RAP1A: variants seen among roughly 807,000 people sequenced by gnomAD.
RAP1A encodes RAP1A, member of RAS oncogene family.
Under a neutral mutation model 26.4 loss-of-function variants are expected in RAP1A, and 6 were observed. That is an observed-to-expected ratio of 0.23 (90% CI 0.12 to 0.45). The LOEUF is 0.45. Among genes scored for constraint, RAP1A ranks in the 20% least tolerant of loss-of-function variants. RAP1A has a pLI of 0.99. For synonymous variants in RAP1A, 73 were observed against 79.4 expected (o/e 0.92, Z 0.43); for missense variants, 121 against 217.2 (o/e 0.56, Z 2.78).
chr1:111,542,227 G>C (rs1656858897), exon 1 of RAP1A: 1 of 603,774 alleles, frequency 1.7e-6, no homozygotes, highest in African/African-American at 1.9e-5. Flanking sequence ...CATCCTTCGC[G>C]TACTGACGGA....
chr1:111,695,347 C>A lies in RAP1A; in HGVS notation c.64C>A (p.Gln22Lys). 2 of 1,565,126 alleles carry A rather than the reference C, an allele frequency of 1.3e-6. No homozygotes were observed. The highest frequency in any genetic ancestry group is 2.1e-5 in the Admixed American group (1 of 48,398). ...CTCTTTTTTTTTCCCCCAGACAGTT[C>A]AGTTTGTTCAGGGAATTTTTGTTGA... ...GGVGKSALTV[Q>K]FVQGIFVEKY... Residue 22 changes from glutamine (Q) to lysine (K), a missense_variant, in exon 3 of 8, where the codon CAG becomes AAG. Physicochemically the swap from Gln to Lys is moderately conservative, Grantham distance 53. Transcript: ENST00000369709.
chr1:111,548,653 T>C (rs1657130419), intron 1 of RAP1A, among the ~76,000 whole-genome samples: 1 of 152,194 alleles, frequency 6.6e-6, no homozygotes, highest in African/African-American at 2.4e-5. Flanking sequence ...ACAAACAAGA[T>C]TAATTTTTTC....
At chr1:111,555,430 A>C (rs1657450268) in intron 1 of RAP1A, among the ~76,000 whole-genome samples, 1 of 151,566 alleles carries the variant, frequency 6.6e-6, no homozygotes. Context: ...ATAGTTCCAG[A>C]AAAAAAATTT....
chr1:111,547,737 C>T (rs1657088297), intron 1 of RAP1A, among the ~76,000 whole-genome samples: 1 of 152,132 alleles, frequency 6.6e-6, no homozygotes, highest in Non-Finnish European at 1.5e-5. Flanking sequence ...CTAATGATTT[C>T]CCTTCAGAAC....
chr1:111,666,643 TAAAA>T (rs35204143), intron 1 of RAP1A, among the ~76,000 whole-genome samples: 4 of 148,094 alleles, frequency 2.7e-5, no homozygotes, highest in African/African-American at 9.9e-5. Flanking sequence ...CACAGAGATT[TAAAA>T]AAAAAAAGCA....
At chr1:111,568,609 C>T (rs757590334) in intron 1 of RAP1A, among the ~76,000 whole-genome samples, 14 of 152,304 alleles carry the variant, frequency 9.2e-5, no homozygotes, top group Admixed American at 3.3e-4. Flanking sequence ...ATTCTTTGCT[C>T]ATTCATTAGG....
intron 1 of RAP1A, among the ~76,000 whole-genome samples, chr1:111,690,202 T>C (rs1661626493): frequency 6.6e-6 from 1 of 152,178 alleles, no homozygotes; most frequent in Non-Finnish European, 1.5e-5. Flanking sequence ...CTCTAGAGCT[T>C]ATTTAGCTTT....
intron 4 of RAP1A, among the ~76,000 whole-genome samples, chr1:111,700,816 G>C (rs1041497151): frequency 6.6e-6 from 1 of 152,060 alleles, no homozygotes; most frequent in African/African-American, 2.4e-5. Flanking sequence ...GTCCTTGACT[G>C]TATTTTTTGT....
chr1:111,587,875 A>T (rs1258655108), intron 1 of RAP1A, among the ~76,000 whole-genome samples: 1 of 152,116 alleles, frequency 6.6e-6, no homozygotes, highest in Non-Finnish European at 1.5e-5. Context: ...CCTTTTGGTT[A>T]TTGTGATACT....
intron 1 of RAP1A, among the ~76,000 whole-genome samples, chr1:111,579,798 A>T (rs1430527980): frequency 1.1e-5 from 1 of 88,100 alleles, no homozygotes; most frequent in Non-Finnish European, 3.1e-5. Flanking sequence ...CCATTTATTT[A>T]TTTATTTATT....
chr1:111,588,568 T>G (rs912516888), intron 1 of RAP1A, among the ~76,000 whole-genome samples: 1 of 152,196 alleles, frequency 6.6e-6, no homozygotes, highest in Admixed American at 6.5e-5. Context: ...GCTTCCTGTT[T>G]TCTGATCACA....
At position 111,564,038 on chromosome 1, in the gene RAP1A, C is replaced by T; in HGVS notation, c.-28+21529C>T. On this transcript the variant is annotated intron_variant, in intron 1 of 7. Coordinates refer to the RAP1A transcript ENST00000356415. ...ATCCAACCCTTCTGCCATTAGAGAA[C>T]CAGGAATTCCCTGTTTTGGGGGGTA... 3.2e-6 allele frequency: 3 copies of T among 948,214 alleles called. No individual in the cohort carries two copies. In the Admixed American group the frequency reaches 5.3e-5, roughly 17 times the overall value. The allele number at this position is 948,214 out of a possible 1,614,324, so 58.7% of individuals were successfully genotyped here.
chr1:111,611,124 A>C (rs1390248793), intron 1 of RAP1A, among the ~76,000 whole-genome samples: 1 of 152,224 alleles, frequency 6.6e-6, no homozygotes, highest in Non-Finnish European at 1.5e-5. Context: ...ATCCTATTAC[A>C]ACAAATCCAC....
rs1438441195 is a variant in RAP1A at position 111,714,785 on chromosome 1, G to A, written c.*2384G>A. ...CTTGGTTCCAAAGGGAAGGGTACCT[G>A]AAAATAAATGTATTTTTATAGCTGA... On this transcript the variant is annotated 3_prime_UTR_variant, in exon 8 of 8. Coordinates refer to ENST00000369709, the MANE Select transcript of RAP1A (RefSeq NM_002884.4). The A allele has an allele frequency of 6.6e-6, 1 of 152,186 alleles. No individual in the cohort carries two copies. Among genetic ancestry groups the A allele is most frequent in the Admixed American group, 6.5e-5 (1 of 15,276 alleles). 9.4% of individuals were successfully genotyped at this position (152,186 alleles called of 1,614,324 possible). A position where few individuals can be genotyped will look rare whatever the true frequency, so the allele number is the denominator to read the frequency against.
intron 3 of RAP1A, among the ~76,000 whole-genome samples, chr1:111,695,676 A>G (rs543782898): frequency 6.6e-6 from 1 of 152,332 alleles, no homozygotes; most frequent in South Asian, 2.1e-4. Flanking sequence ...AAAAAATTGC[A>G]TATAAATAGT....
chr1:111,637,280 T>G (rs777704969), intron 1 of RAP1A, among the ~76,000 whole-genome samples: 3 of 152,202 alleles, frequency 2.0e-5, no homozygotes, highest in Non-Finnish European at 4.4e-5. Context: ...GTACATAGAT[T>G]ACTTAAGTCA....
chr1:111,665,560 A>G (rs569217689), intron 1 of RAP1A, among the ~76,000 whole-genome samples: 1 of 152,342 alleles, frequency 6.6e-6, no homozygotes, highest in South Asian at 2.1e-4. Context: ...GATAATAGTT[A>G]TACTGAAGAA....
intron 1 of RAP1A, among the ~76,000 whole-genome samples, chr1:111,667,471 C>T (rs767019628): frequency 3.9e-5 from 6 of 151,956 alleles, no homozygotes; most frequent in Admixed American, 1.3e-4. Context: ...GATCACTTGA[C>T]GTCAGGAGTT....
At position 111,619,884 on chromosome 1, in the gene RAP1A, A is replaced by AGGAGGT; in HGVS notation, c.-73_-72insTGGAGG. On this transcript the variant is annotated 5_prime_UTR_variant, in exon 1 of 8. Coordinates refer to ENST00000369709, the MANE Select transcript of RAP1A (RefSeq NM_002884.4). ...ACGGCCGAGAGGAGGGAGGAGGAGG[A>AGGAGGT]GGAGGAGGTGGAGGAGGTGGAGGAG... 4.1e-6 allele frequency: 1 copy of AGGAGGT among 243,870 alleles called. No homozygotes were observed. Among genetic ancestry groups the AGGAGGT allele is most frequent in the African/African-American group, 2.5e-5 (1 of 40,768 alleles). 15.1% of individuals were successfully genotyped at this position (243,870 alleles called of 1,614,324 possible). A position where few individuals can be genotyped will look rare whatever the true frequency, so the allele number is the denominator to read the frequency against.
Sources: allele counts gnomAD v4.1 joint callset (sites outside exome capture counted in the v4.1 genomes callset), GRCh38; gene constraint gnomAD v4.1.1; transcripts MANE v1.5; gene names NCBI Gene and HGNC (gene_info 2026-07-23, HGNC 2026-07-21).